Variants in GOLIM4 observed in about 807,000 individuals in gnomAD.
The protein encoded by GOLIM4 is golgi integral membrane protein 4.
A neutral mutation model predicts 107.4 loss-of-function variants in GOLIM4; 71 were observed. That is an observed-to-expected ratio of 0.66 (90% confidence interval 0.55 to 0.81). GOLIM4 has a LOEUF of 0.81. Among genes scored for constraint, GOLIM4 ranks in the 30% least tolerant of loss-of-function variants. GOLIM4 has a pLI of 0.00. For synonymous variants in GOLIM4, 327 were observed against 294.8 expected (o/e 1.11, Z -1.12); for missense variants, 830 against 826.1 (o/e 1.00, Z -0.06).
intron 8 of GOLIM4, among the ~76,000 whole-genome samples, chr3:168,035,476 A>G (rs1265593215): frequency 2.6e-5 from 4 of 152,248 alleles, no homozygotes; most frequent in Admixed American, 6.5e-5. Context: ...ATAAAAAAAG[A>G]ACAAGATCAT....
rs1719138186 is a variant in GOLIM4 at position 168,043,513 on chromosome 3, A to G, written c.383T>C (p.Leu128Pro). The G allele has an allele frequency of 6.2e-7, 1 of 1,611,104 alleles. No homozygotes were observed. Among genetic ancestry groups the G allele is most frequent in the Non-Finnish European group, 8.5e-7 (1 of 1,179,254 alleles). ...TTCCAAGTCACTGTGCTGTTTCTTT[A>G]GCTCCTCGTGTTGGCTCTGCAAAGA... The part of the protein sequence containing the change: ...HQMLKSQHEE[L>P]KKQHSDLEEE... Residue 128 changes from leucine (L) to proline (P), a missense_variant, in exon 5 of 16, where the codon CTA becomes CCA. Leu to Pro is a moderately conservative substitution (Grantham distance 98). Transcript: ENST00000470487.
At chr3:168,052,273 C>T (rs747150975) in intron 1 of GOLIM4, among the ~76,000 whole-genome samples, 7 of 152,150 alleles carry the variant, frequency 4.6e-5, no homozygotes, top group Non-Finnish European at 5.9e-5. Context: ...AAAAATCAGG[C>T]GATCTCCCCT....
At chr3:168,019,317 A>G (rs1717551860) in intron 14 of GOLIM4, among the ~76,000 whole-genome samples, 1 of 152,206 alleles carries the variant, frequency 6.6e-6, no homozygotes, top group South Asian at 2.1e-4. Context: ...TCTATTTTTT[A>G]CAGTGAATTA....
intron 1 of GOLIM4, among the ~76,000 whole-genome samples, chr3:168,061,097 T>A (rs1364126339): frequency 1.4e-5 from 2 of 146,172 alleles, no homozygotes; most frequent in Non-Finnish European, 3.0e-5. Context: ...AGCAAGCATA[T>A]TAAAGAGTTG....
chr3:168,056,241 C>A (rs141991178), intron 1 of GOLIM4, among the ~76,000 whole-genome samples: 1 of 152,212 alleles, frequency 6.6e-6, no homozygotes, highest in African/African-American at 2.4e-5. Context: ...AGCTTCCACA[C>A]GGTGCTGAGC....
chr3:168,044,367 AG>A (rs1244261743), intron 4 of GOLIM4, among the ~76,000 whole-genome samples: 1 of 152,248 alleles, frequency 6.6e-6, no homozygotes, highest in East Asian at 1.9e-4. Flanking sequence ...GTTTTACTCA[AG>A]GACCAAGGAA....
At chr3:168,031,965 G>C (rs370826607) in intron 9 of GOLIM4, among the ~76,000 whole-genome samples, 5 of 152,100 alleles carry the variant, frequency 3.3e-5, no homozygotes, top group Admixed American at 6.5e-5. Flanking sequence ...AAAGTCTTAC[G>C]TGTAAGTGGC....
chr3:168,065,910 T>C lies in GOLIM4; in HGVS notation c.188-17545A>G, dbSNP rs4535275. Among the ~76,000 whole-genome samples, 266 of 152,374 alleles carry C rather than the reference T, an allele frequency of 1.7e-3. 2 individuals carry two copies. Among genetic ancestry groups the C allele is most frequent in the African/African-American group, 6.2e-3 (258 of 41,586 alleles). On this transcript the variant is annotated intron_variant, in intron 1 of 15. Coordinates refer to ENST00000470487, the MANE Select transcript of GOLIM4 (RefSeq NM_014498.5). ...TTCATCATTAGTAAAATAAAAGAGCTTATCAACTGATTTCTAAAGCCTCTT... is the reference window on the plus strand; with the variant it reads ...TTCATCATTAGTAAAATAAAAGAGCCTATCAACTGATTTCTAAAGCCTCTT...
Position 168,043,478 on chromosome 3 carries a change from G to A in GOLIM4, c.418C>T (p.Arg140Cys), listed in dbSNP as rs147338159. The A allele has an allele frequency of 5.6e-6, 9 of 1,613,118 alleles. No homozygotes were observed. The highest frequency in any genetic ancestry group is 5.3e-5 in the African/African-American group (4 of 74,870). Residue 140 changes from arginine (R) to cysteine (C), a missense_variant, in exon 5 of 16, where the codon CGC becomes TGC. Coordinates refer to ENST00000470487, the MANE Select transcript of GOLIM4 (RefSeq NM_014498.5). ...CTACTGAAGTCTTCCCCTTGTTTGC[G>A]ATGTTCCTCTTCCAAGTCACTGTGC... ...KQHSDLEEEH[R>C]KQGEDFSRTF... is the part of the protein sequence containing the mutation.
intron 5 of GOLIM4, 133 bp from the exon 6 acceptor site, chr3:168,041,607 A>G: frequency 1.8e-6 from 1 of 560,982 alleles, no homozygotes; most frequent in Non-Finnish European, 3.1e-6. Context: ...TAATATTCAA[A>G]ATCAACAAAA....
rs541399250 is a variant in GOLIM4 at position 168,035,634 on chromosome 3, T to C, written c.843+1202A>G. On this transcript the variant is annotated intron_variant, in intron 8 of 15. Coordinates refer to ENST00000470487, the MANE Select transcript of GOLIM4 (RefSeq NM_014498.5). ...GCACATAGAGGGGAACAACACACTG[T>C]ACGGCCTATCAGAAGGTGGAGGGAG... Among the ~76,000 whole-genome samples, 58 of 152,300 alleles carry C rather than the reference T, an allele frequency of 3.8e-4. No homozygotes were observed. In the South Asian group the frequency reaches 0.012, roughly 31 times the overall value.
Position 168,029,884 on chromosome 3 carries a change from T to C in GOLIM4, c.1329A>G (p.Leu443=), listed in dbSNP as rs1718216146. 4.3e-6 allele frequency: 7 copies of C among 1,614,112 alleles called. No individual in the cohort carries two copies. The highest frequency in any genetic ancestry group is 5.9e-6 in the Non-Finnish European group (7 of 1,180,018). Residue 443 remains leucine, a synonymous_variant, in exon 10 of 16, where the codon TTA becomes TTG. Coordinates refer to ENST00000470487, the MANE Select transcript of GOLIM4 (RefSeq NM_014498.5). ...GCTGCTGCTGTTCCTGCTGCCGTAG[T>C]AAGTGCCCCTGCAGCCTCTGCTGGT... The part of the protein sequence containing the change: ...ALHQQRLQGH[L]LRQQEQQQQQ...
chr3:168,090,929 G>A (rs1003056216), intron 1 of GOLIM4, among the ~76,000 whole-genome samples: 1 of 152,160 alleles, frequency 6.6e-6, no homozygotes, highest in Non-Finnish European at 1.5e-5. Flanking sequence ...AAGAAAAGTC[G>A]AAGATAGCAT....
In GOLIM4 at chr3:168,070,318, G is replaced by A. The variant is rs369989140; in HGVS notation, c.188-21953C>T. Among the ~76,000 whole-genome samples, 71 of 152,268 alleles carry A rather than the reference G, an allele frequency of 4.7e-4. No individual in the cohort carries two copies. In the South Asian group the frequency reaches 6.9e-3, roughly 15 times the overall value. Reference sequence around the variant, plus strand: ...TAAGGCAGGAGAATCACTTGAACCCGGGAGGCAGAGGTTGCAGTAAGCCGA... The same window carrying A: ...TAAGGCAGGAGAATCACTTGAACCCAGGAGGCAGAGGTTGCAGTAAGCCGA... On this transcript the variant is annotated intron_variant, in intron 1 of 15. Coordinates refer to ENST00000470487, the MANE Select transcript of GOLIM4 (RefSeq NM_014498.5).
chr3:168,064,670 G>A (rs1720449977), intron 1 of GOLIM4, among the ~76,000 whole-genome samples: 1 of 150,704 alleles, frequency 6.6e-6, no homozygotes, highest in South Asian at 2.1e-4. Flanking sequence ...CTCCTGGCCT[G>A]AAATGATCCT....
chr3:168,064,688 C>T (rs925334571), intron 1 of GOLIM4, among the ~76,000 whole-genome samples: 7 of 151,244 alleles, frequency 4.6e-5, no homozygotes, highest in Non-Finnish European at 7.4e-5. Flanking sequence ...CCTCCCACCT[C>T]GCCCTCCTGA....
chr3:168,052,526 T>C (rs1719713789), intron 1 of GOLIM4, among the ~76,000 whole-genome samples: 1 of 151,628 alleles, frequency 6.6e-6, no homozygotes, highest in Non-Finnish European at 1.5e-5. Flanking sequence ...AATAATTCCA[T>C]ATGTTATTTA....
chr3:168,084,668 T>C (rs1721536851), intron 1 of GOLIM4, among the ~76,000 whole-genome samples: 1 of 152,168 alleles, frequency 6.6e-6, no homozygotes, highest in African/African-American at 2.4e-5. Context: ...TAATTTGCTA[T>C]GCAACAAGAT....
At position 168,029,824 on chromosome 3, in the gene GOLIM4, C is replaced by T. The variant is rs757356596; in HGVS notation, c.1389G>A (p.Gln463=). 32 of 1,614,002 alleles carry T rather than the reference C, an allele frequency of 2.0e-5. No individual in the cohort carries two copies. The Admixed American group carries it at 5.2e-4, about 26-fold the overall frequency. ...QVAREMALQR[Q]AELEEGRPQH... ...GCGGCCGGCCCTCCTCAAGCTCAGCCTGCCTCTGCAGGGCCATCTCTCTTG... is the reference window on the plus strand; with the variant it reads ...GCGGCCGGCCCTCCTCAAGCTCAGCTTGCCTCTGCAGGGCCATCTCTCTTG... Residue 463 remains glutamine (Q), a synonymous_variant, in exon 10 of 16, where the codon CAG becomes CAA. Coordinates refer to ENST00000470487, the MANE Select transcript of GOLIM4 (RefSeq NM_014498.5).
Sources: allele counts gnomAD v4.1 joint callset (sites outside exome capture counted in the v4.1 genomes callset), GRCh38; gene constraint gnomAD v4.1.1; transcripts MANE v1.5; gene names NCBI Gene and HGNC (gene_info 2026-07-23, HGNC 2026-07-21).